The following SRP9 variants were observed in gnomAD, a reference collection of about 807,000 sequenced individuals.
The protein encoded by SRP9 is signal recognition particle 9.
SRP9 carries 2 observed loss-of-function variants against 11.7 expected under a neutral mutation model. The observed-to-expected ratio is 0.17, with a 90% CI of 0.07 to 0.54. The LOEUF is 0.54. Among genes scored for constraint, SRP9 ranks in the 20% least tolerant of loss-of-function variants. The pLI, the probability that SRP9 is intolerant of heterozygous loss-of-function variation, is 0.94. For missense variants in SRP9, 54 were observed against 108.1 expected (o/e 0.50, Z 2.22); for synonymous variants, 27 against 35.6 (o/e 0.76, Z 0.86).
chr1:225,786,739 T>C (rs1400555789), intron 2 of SRP9: 2 of 1,152,028 alleles, frequency 1.7e-6, no homozygotes, highest in Non-Finnish European at 2.2e-6. Flanking sequence ...ATCTGTAAAG[T>C]ATCATAGTGA....
intron 2 of SRP9, 189 bp from the exon 3 acceptor site, chr1:225,789,051 C>T (rs1428183632): frequency 1.3e-6 from 2 of 1,550,974 alleles, no homozygotes; most frequent in Admixed American, 2.0e-5. Context: ...ATTTAAATTA[C>T]TGTACTTTAA....
At chr1:225,785,285 A>AC (rs1665885738) in intron 2 of SRP9, among the ~76,000 whole-genome samples, 1 of 138,764 alleles carries the variant, frequency 7.2e-6, no homozygotes, top group Admixed American at 7.8e-5. Flanking sequence ...CACCATGTTG[A>AC]CCAGGATGGT....
intron 1 of SRP9, among the ~76,000 whole-genome samples, chr1:225,779,643 A>G (rs1373385542): frequency 1.3e-5 from 2 of 152,258 alleles, no homozygotes; most frequent in Non-Finnish European, 2.9e-5. Context: ...AGACCTAGCT[A>G]AGTAACAAGC....
At position 225,780,178 on chromosome 1, in the gene SRP9, A is replaced by AT. The variant is rs67816765; in HGVS notation, c.72+2192dup. On this transcript the variant is annotated intron_variant, in intron 1 of 2. Coordinates refer to ENST00000304786, the MANE Select transcript of SRP9 (RefSeq NM_003133.6). ...ACAGACATGCCACCATGCCTGCCTA[A>AT]TTTTTTTTTTTTTTTTTTTTTTTTT... Among the ~76,000 whole-genome samples, 216 of 130,156 alleles carry AT rather than the reference A, an allele frequency of 1.7e-3. 3 individuals are homozygous for AT. The highest frequency in any genetic ancestry group is 8.1e-3 in the Middle Eastern group (2 of 248). 85.4% of individuals were successfully genotyped at this position (130,156 alleles called of 152,430 possible).
chr1:225,787,566 C>A (rs569809060), intron 2 of SRP9, among the ~76,000 whole-genome samples: 4 of 151,984 alleles, frequency 2.6e-5, no homozygotes, highest in African/African-American at 7.3e-5. Flanking sequence ...AAATGCAGAA[C>A]GAATTTTAAT....
intron 2 of SRP9, among the ~76,000 whole-genome samples, chr1:225,787,495 C>T (rs1206626089): frequency 6.6e-6 from 1 of 152,084 alleles, no homozygotes; most frequent in East Asian, 1.9e-4. Context: ...GATTGTGCCA[C>T]TGCACTCTAG....
At position 225,784,229 on chromosome 1, in the gene SRP9, C is replaced by CTTTTTTTTTTTTTTTTTT. The variant is rs561503475; in HGVS notation, c.141+879_141+896dup. 2.0e-4 allele frequency among the ~76,000 whole-genome samples: 7 copies of CTTTTTTTTTTTTTTTTTT among 34,458 alleles called. 2 individuals are homozygous for CTTTTTTTTTTTTTTTTTT. Among genetic ancestry groups the CTTTTTTTTTTTTTTTTTT allele is most frequent in the Non-Finnish European group, 3.5e-4 (7 of 19,846 alleles). The allele number at this position is 34,458 out of a possible 152,430, so 22.6% of individuals were successfully genotyped here. A position where few individuals can be genotyped will look rare whatever the true frequency, so the allele number is the denominator to read the frequency against. ...TCTACAGTGGAGTTTATCACCTGTT[C>CTTTTTTTTTTTTTTTTTT]TTTTTTTTTTTTTTTTTTTTTTTTT... On this transcript the variant is annotated intron_variant, in intron 2 of 2. Coordinates refer to ENST00000304786, the MANE Select transcript of SRP9 (RefSeq NM_003133.6).
At chr1:225,785,549 T>G (rs1318381451) in intron 2 of SRP9, among the ~76,000 whole-genome samples, 1 of 151,916 alleles carries the variant, frequency 6.6e-6, no homozygotes, top group Non-Finnish European at 1.5e-5. Flanking sequence ...CCTGGCTAAT[T>G]TTGTGTATTT....
In SRP9 at chr1:225,783,394, A is replaced by G. The variant is rs775332918; in HGVS notation, c.141+26A>G. ...GTAAGTATACATTTTTATTTGTTACATACTTTCAGATTTGTTTGAGTTAAT... is the reference window on the plus strand; with the variant it reads ...GTAAGTATACATTTTTATTTGTTACGTACTTTCAGATTTGTTTGAGTTAAT... On this transcript the variant is annotated intron_variant, in intron 2 of 2. Transcript: ENST00000304786. The G allele has an allele frequency of 2.0e-6, 3 of 1,530,178 alleles. No individual in the cohort carries two copies. In the South Asian group the frequency reaches 3.4e-5, roughly 17 times the overall value. 94.8% of individuals were successfully genotyped at this position (1,530,178 alleles called of 1,614,324 possible).
chr1:225,780,370 A>G (rs1665769511), intron 1 of SRP9, among the ~76,000 whole-genome samples: 3 of 151,422 alleles, frequency 2.0e-5, no homozygotes, highest in Admixed American at 2.0e-4. Context: ...GAAGAGCTTA[A>G]CAGTTTTTTT....
At chr1:225,782,074 T>C (rs1186226756) in intron 1 of SRP9, among the ~76,000 whole-genome samples, 1 of 152,174 alleles carries the variant, frequency 6.6e-6, no homozygotes, top group Non-Finnish European at 1.5e-5. Context: ...CAGAATTGTC[T>C]TGAGGCCTCT....
chr1:225,781,503 G>A (rs12033739), intron 1 of SRP9, among the ~76,000 whole-genome samples: 52,398 of 149,562 alleles, frequency 0.35, 9,467 homozygotes, highest in East Asian at 0.54. Context: ...GAGTTCAAGC[G>A]ATTCTCCTGC....
intron 2 of SRP9, among the ~76,000 whole-genome samples, chr1:225,784,101 A>C (rs1016286818): frequency 2.6e-5 from 4 of 151,740 alleles, no homozygotes; most frequent in Non-Finnish European, 5.9e-5. Flanking sequence ...AACTGAGTCT[A>C]ATACTGCATC....
intron 2 of SRP9, among the ~76,000 whole-genome samples, chr1:225,788,873 G>A (rs1665968184): frequency 6.6e-6 from 1 of 152,002 alleles, no homozygotes; most frequent in African/African-American, 2.4e-5. Context: ...AGTTACTTAT[G>A]GCTGGGAGAA....
chr1:225,786,857 T>C, intron 2 of SRP9: 2 of 1,255,740 alleles, frequency 1.6e-6, no homozygotes, highest in Non-Finnish European at 2.1e-6. Context: ...TTTTTTTTTT[T>C]TTAGAGACAG....
intron 2 of SRP9, among the ~76,000 whole-genome samples, chr1:225,787,430 AG>A (rs1308017072): frequency 1.3e-5 from 2 of 152,076 alleles, no homozygotes; most frequent in Non-Finnish European, 2.9e-5. Flanking sequence ...TGGGAGGCTG[AG>A]GCAGGAGAAT....
chr1:225,785,626 C>T lies in SRP9; in HGVS notation c.141+2258C>T, dbSNP rs1412880124. Among the ~76,000 whole-genome samples the T allele has an allele frequency of 1.5e-4, 23 of 151,902 alleles. No homozygotes were observed. The East Asian group carries it at 1.5e-3, about 10-fold the overall frequency. ...CGAACTCCTGACCTCGTGATCTGCC[C>T]GCCTTGGCCTCCCAAAGTGTTGGGA... On this transcript the variant is annotated intron_variant, in intron 2 of 2. Transcript: ENST00000304786.
chr1:225,778,092 C>G, intron 1 of SRP9, 80 bp downstream of exon 1: 1 of 1,495,466 alleles, frequency 6.7e-7, no homozygotes, highest in South Asian at 1.2e-5. Flanking sequence ...TGGAGCTTCC[C>G]CAGCGCTCCC....
rs1665985993 is a variant in SRP9, at chr1:225,789,530, G to A, written c.*171G>A. 3.2e-6 allele frequency: 2 copies of A among 618,604 alleles called. No homozygotes were observed. Among genetic ancestry groups the A allele is most frequent in the African/African-American group, 1.9e-5 (1 of 53,016 alleles). 38.3% of individuals were successfully genotyped at this position (618,604 alleles called of 1,614,324 possible). On this transcript the variant is annotated 3_prime_UTR_variant, in exon 3 of 3. Coordinates refer to ENST00000304786, the MANE Select transcript of SRP9 (RefSeq NM_003133.6). ...ACTTTAGAGAGCTAGGGATGCAAAT[G>A]TTTTCAGTTAGAAAGCCTTTATTTA...
Sources: allele counts gnomAD v4.1 joint callset (sites outside exome capture counted in the v4.1 genomes callset), GRCh38; gene constraint gnomAD v4.1.1; transcripts MANE v1.5; gene names NCBI Gene and HGNC (gene_info 2026-07-23, HGNC 2026-07-21).